The following LCT variants were observed in gnomAD, a reference collection of about 807,000 sequenced individuals.
The protein encoded by LCT is lactase/phlorizin hydrolase.
In LCT, 90 loss-of-function variants were observed where a neutral mutation model predicts 173.0. That is an observed-to-expected ratio of 0.52 (90% CI 0.44 to 0.62). The LOEUF (loss-of-function observed/expected upper bound fraction) is 0.62, where lower values mean the gene tolerates loss of function less well. LCT is among the 20% of genes least tolerant of loss of function. The probability of loss-of-function intolerance (pLI) is 0.00; values close to 1 mark genes in which losing one functional copy is unlikely to be tolerated. For missense variants in LCT, 1,864 were observed against 2,431.4 expected (o/e 0.77, Z 4.91); for synonymous variants, 853 against 957.6 (o/e 0.89, Z 2.02).
rs1205622160 is a variant in LCT at position 135,790,530 on chromosome 2, C to G, written c.5335+128G>C. 12 of 672,868 alleles carry G rather than the reference C, an allele frequency of 1.8e-5. No individual in the cohort carries two copies. In the East Asian group the frequency reaches 3.2e-4, roughly 18 times the overall value. The allele number at this position is 672,868 out of a possible 1,614,324, so 41.7% of individuals were successfully genotyped here. On this transcript the variant is annotated intron_variant, in intron 15 of 16. Coordinates refer to ENST00000264162, the MANE Select transcript of LCT (RefSeq NM_002299.4). This position sits in a 1 kb window ranked among gnomAD's most constrained non-coding sequence, Gnocchi z 4.1. ...GCGGCCCTAAAGCAAAGCTTAACCC[C>G]CACAGGAGCAAGAAGGCTTATCGTT...
intron 3 of LCT, among the ~76,000 whole-genome samples, chr2:135,827,900 G>C (rs1008603535): frequency 5.3e-5 from 8 of 152,198 alleles, no homozygotes; most frequent in African/African-American, 1.9e-4. Flanking sequence ...TACACAGACA[G>C]CTAGAAACAC....
intron 16 of LCT, among the ~76,000 whole-genome samples, chr2:135,788,990 CTG>C (rs1269984678): frequency 1.4e-4 from 22 of 152,150 alleles, no homozygotes; most frequent in African/African-American, 5.3e-4. Flanking sequence ...AAAGCTTTAA[CTG>C]TGTTTTGACT....
chr2:135,788,279 A>G lies in LCT; in HGVS notation c.*45T>C. 7.1e-7 allele frequency: 1 copy of G among 1,408,044 alleles called. No homozygotes were observed. The highest frequency in any genetic ancestry group is 1.1e-5 in the South Asian group (1 of 87,076). The allele number at this position is 1,408,044 out of a possible 1,614,324, so 87.2% of individuals were successfully genotyped here. A position where few individuals can be genotyped will look rare whatever the true frequency, so the allele number is the denominator to read the frequency against. On this transcript the variant is annotated 3_prime_UTR_variant, in exon 17 of 17. Coordinates refer to ENST00000264162, the MANE Select transcript of LCT (RefSeq NM_002299.4). ...GGTGTTTGGTGGCCGGTAAACATAG[A>G]TGAAGAAACTAGGCCTGCTTCATAG...
chr2:135,830,380 C>T lies in LCT; in HGVS notation c.721-704G>A, dbSNP rs547597385. On this transcript the variant is annotated intron_variant, in intron 2 of 16. Coordinates refer to ENST00000264162, the MANE Select transcript of LCT (RefSeq NM_002299.4). The stretch of plus-strand genomic sequence containing the variant: ...GTCTACACAGGACCATGCCAACACC[C>T]CCAGTGCTGCGCTCCCCTCCACGAG... Among the ~76,000 whole-genome samples the T allele has an allele frequency of 4.6e-5, 7 of 152,234 alleles. No homozygotes were observed. In the East Asian group the frequency reaches 1.2e-3, roughly 25 times the overall value.
Position 135,804,163 on chromosome 2 carries a change from A to C in LCT, c.4465-35T>G, listed in dbSNP as rs769642877. On this transcript the variant is annotated intron_variant, in intron 10 of 16. Transcript: ENST00000264162. The stretch of plus-strand genomic sequence containing the variant: ...AGCCAGATCAGCTGTTGCATCAGTC[A>C]TGCTTTCCATGGGAAGCCCTAGGTT... 359 of 1,554,130 alleles carry C rather than the reference A, an allele frequency of 2.3e-4. 1 individual carries two copies. The highest frequency in any genetic ancestry group is 5.5e-5 in the Non-Finnish European group (62 of 1,127,920).
rs1415726479 is a variant in LCT, at chr2:135,805,010, G to A, written c.4221C>T (p.Asp1407=). ...RADGKGLSIW[D]TFSHTPLRVE... is the part of the protein sequence containing the mutation. ...CCCTCAGTGGTGTGTGAGAAAACGT[G>A]TCCCAAATGCTGAGTCCTTTGCCAT... The change falls in exon 10 of 17, where the codon GAC becomes GAT. Residue 1407 remains aspartate (D), a synonymous_variant. Coordinates refer to ENST00000264162, the MANE Select transcript of LCT (RefSeq NM_002299.4). The A allele has an allele frequency of 6.2e-7, 1 of 1,613,994 alleles. No homozygotes were observed. The highest frequency in any genetic ancestry group is 1.7e-5 in the Admixed American group (1 of 60,000).
At chr2:135,825,660 T>G (rs1462065437) in intron 3 of LCT, among the ~76,000 whole-genome samples, 2 of 152,116 alleles carry the variant, frequency 1.3e-5, no homozygotes, top group African/African-American at 4.8e-5. Context: ...CAGCTCTTCA[T>G]TTCTGGGCTT....
chr2:135,836,015 T>TAC (rs1679352189), intron 1 of LCT, among the ~76,000 whole-genome samples: 1 of 11,918 alleles, frequency 8.4e-5, no homozygotes, highest in African/African-American at 1.3e-4. Context: ...TATATATATA[T>TAC]GTATACATAT....
intron 9 of LCT, among the ~76,000 whole-genome samples, chr2:135,805,427 G>A (rs779019277): frequency 2.5e-4 from 38 of 152,204 alleles, no homozygotes; most frequent in Non-Finnish European, 4.4e-4. Flanking sequence ...AGAGACAGAC[G>A]CAGACAGAAG....
In LCT at chr2:135,807,294, T is replaced by C. The variant is rs1488519946; in HGVS notation, c.4007A>G (p.His1336Arg). The C allele has an allele frequency of 1.9e-6, 3 of 1,614,208 alleles. No homozygotes were observed. The highest frequency in any genetic ancestry group is 1.6e-4 in the Middle Eastern group (1 of 6,062). Residue 1336 changes from histidine to arginine, a missense_variant, in exon 9 of 17, where the codon CAT (histidine) becomes CGT (arginine). Physicochemically the swap from His to Arg is conservative, Grantham distance 29. Coordinates refer to ENST00000264162, the MANE Select transcript of LCT (RefSeq NM_002299.4). ...CCTGTTCGTGTTGTTGAAATCAACA[T>C]GGTACAGTCCAAACTTGACCGTGTA... ...NGYTVKFGLY[H>R]VDFNNTNRPR...
intron 1 of LCT, among the ~76,000 whole-genome samples, chr2:135,836,265 C>A (rs2105562072): frequency 6.6e-6 from 1 of 152,090 alleles, no homozygotes; most frequent in African/African-American, 2.4e-5. Context: ...GTGATCCGCC[C>A]ACCTCGGCCT....
intron 11 of LCT, 126 bp downstream of exon 11, chr2:135,803,804 G>T (rs998302833): frequency 1.2e-6 from 1 of 817,694 alleles, no homozygotes; most frequent in Non-Finnish European, 2.1e-6. Context: ...ACAGCCCTGA[G>T]CAAGAGGCAG....
intron 1 of LCT, among the ~76,000 whole-genome samples, chr2:135,836,021 CAT>C (rs1679354236): frequency 9.0e-5 from 7 of 77,716 alleles, no homozygotes; most frequent in Admixed American, 6.0e-4. Context: ...TATATGTATA[CAT>C]ATTTTTTTTT....
intron 3 of LCT, among the ~76,000 whole-genome samples, chr2:135,829,384 C>T (rs989994299): frequency 2.6e-5 from 4 of 152,100 alleles, no homozygotes; most frequent in Admixed American, 6.6e-5. Context: ...CCTTAACAAG[C>T]TAACCCTTGT....
intron 5 of LCT, 134 bp downstream of exon 5, chr2:135,821,886 T>A: frequency 1.5e-6 from 1 of 683,536 alleles, no homozygotes; most frequent in Non-Finnish European, 2.7e-6. Flanking sequence ...TTGTTTCTCA[T>A]CAATTGAATG....
intron 13 of LCT, among the ~76,000 whole-genome samples, chr2:135,795,969 C>T (rs931355537): frequency 5.3e-5 from 8 of 152,310 alleles, no homozygotes; most frequent in Admixed American, 2.0e-4. Flanking sequence ...CTATATTGCC[C>T]AGGCTGGTCT....
rs1351751142 is a variant in LCT at position 135,807,353 on chromosome 2, C to T, written c.3948G>A (p.Trp1316Ter). 1 of 1,614,116 alleles carries T rather than the reference C, an allele frequency of 6.2e-7. No homozygotes were observed. Among genetic ancestry groups the T allele is most frequent in the Non-Finnish European group, 8.5e-7 (1 of 1,179,990 alleles). ...GCCACTCAAAGTTGTCCATCAGAGA[C>T]CAGGCGACATACCCTCGAAGGTCTA... ...DGIDLRGYVA[W>*]SLMDNFEWLN... The change falls in exon 9 of 17, where the codon TGG (tryptophan) becomes TGA (stop). Residue 1316 changes from tryptophan (W) to a stop codon, truncating the protein, a stop_gained. Transcript: ENST00000264162. LOFTEE classifies it high-confidence loss of function.
At position 135,809,487 on chromosome 2, in the gene LCT, C is replaced by T. The variant is rs558644510; in HGVS notation, c.2860G>A (p.Asp954Asn). The T allele has an allele frequency of 1.4e-5, 23 of 1,614,260 alleles. No individual in the cohort carries two copies. In the African/African-American group the frequency reaches 2.7e-4, roughly 19 times the overall value. ...KDNATGDIAC[D>N]SYHQLDADLN... is the part of the protein sequence containing the mutation. The stretch of plus-strand genomic sequence containing the variant: ...TCGGCATCCAGCTGGTGATAGCTGT[C>T]ACAGGCGATGTCTCCAGTGGCATTG... The change falls in exon 8 of 17, where the codon GAC becomes AAC. Residue 954 changes from aspartate (D) to asparagine (N), a missense_variant. By Grantham distance (23) the Asp-to-Asn change is conservative. This residue lies in a region of LCT where 755 missense variants were observed against 926.3 expected (regional missense o/e 0.82). Transcript: ENST00000264162. The surrounding 1 kb of genome is among the most constrained non-coding windows in gnomAD (Gnocchi z 5.5).
rs774635234 is a variant in LCT, at chr2:135,798,037, G to C, written c.4968C>G (p.Asn1656Lys). ...GGGCACCAGGCCCTTACCGAGACTT[G>C]TTGAGGCCTGCAGCCAAGCTCCTGT... ...IRDRSLAAGL[N>K]KSRLPEFTES... The change falls in exon 13 of 17, where the codon AAC becomes AAG. Residue 1656 changes from asparagine (N) to lysine (K), a missense_variant. Coordinates refer to ENST00000264162, the MANE Select transcript of LCT (RefSeq NM_002299.4). The C allele has an allele frequency of 6.2e-7, 1 of 1,600,578 alleles. No homozygotes were observed.
Sources: gnomAD v4.1 joint callset for allele counts (sites outside exome capture counted in the v4.1 genomes callset) on GRCh38, gnomAD v4.1.1 for gene constraint, gnomAD v4.1.1 regional missense constraint, Gnocchi (gnomAD v3.1) non-coding constraint, MANE v1.5 for transcripts, NCBI Gene and HGNC (gene_info 2026-07-23, HGNC 2026-07-21) for gene names.